ENOX1: variants seen among roughly 807,000 people sequenced by gnomAD.
ENOX1 encodes candidate growth-related and time keeping constitutive hydroquinone (NADH) oxidase.
Under a neutral mutation model 82.5 loss-of-function variants are expected in ENOX1, and 42 were observed. The ratio of observed to expected loss-of-function variants is 0.51; its 90% confidence interval spans 0.40 to 0.66. The LOEUF (loss-of-function observed/expected upper bound fraction) is 0.66, where lower values mean the gene tolerates loss of function less well. Ranked by LOEUF, ENOX1 falls within the 30% of genes least tolerant of loss-of-function variation. ENOX1 has a pLI of 0.00. For synonymous variants in ENOX1, 271 were observed against 282.2 expected (o/e 0.96, Z 0.40); for missense variants, 608 against 811.6 (o/e 0.75, Z 3.05).
chr13:43,514,219 T>C (rs1457880682), intron 2 of ENOX1, among the ~76,000 whole-genome samples: 2 of 152,200 alleles, frequency 1.3e-5, no homozygotes, highest in African/African-American at 4.8e-5. Flanking sequence ...TTTACATATC[T>C]TTAATGTGTA....
chr13:43,600,488 G>A (rs931183759), intron 2 of ENOX1, among the ~76,000 whole-genome samples: 1 of 152,218 alleles, frequency 6.6e-6, no homozygotes, highest in Non-Finnish European at 1.5e-5. Flanking sequence ...ACTTTCCCTT[G>A]TGGCTTGGGT....
intron 1 of ENOX1, among the ~76,000 whole-genome samples, chr13:43,754,346 ATTAT>A (rs1950528985): frequency 4.1e-5 from 6 of 145,178 alleles, no homozygotes; most frequent in East Asian, 2.0e-4. Context: ...TATTATTATT[ATTAT>A]TTATTTTTTT....
intron 2 of ENOX1, among the ~76,000 whole-genome samples, chr13:43,631,496 A>AATCG (rs2083215406): frequency 6.6e-6 from 1 of 152,156 alleles, no homozygotes; most frequent in Non-Finnish European, 1.5e-5. Flanking sequence ...AACTGCTAGG[A>AATCG]ATCGGGAAAC....
intron 2 of ENOX1, among the ~76,000 whole-genome samples, chr13:43,629,288 A>G (rs1334160946): frequency 6.6e-6 from 1 of 152,166 alleles, no homozygotes; most frequent in Admixed American, 6.5e-5. Flanking sequence ...TCTTGCTGCA[A>G]TGTCCCTTTT....
At chr13:43,701,029 A>G (rs926712404) in intron 1 of ENOX1, among the ~76,000 whole-genome samples, 2 of 152,168 alleles carry the variant, frequency 1.3e-5, no homozygotes, top group African/African-American at 4.8e-5. Flanking sequence ...TTCACTTGCT[A>G]TGTATTTCAT....
At chr13:43,599,717 G>A (rs771359326) in intron 2 of ENOX1, among the ~76,000 whole-genome samples, 18 of 151,432 alleles carry the variant, frequency 1.2e-4, no homozygotes, top group South Asian at 1.0e-3. Flanking sequence ...TGCGAGTACC[G>A]CCCCTCCACC....
chr13:43,306,642 T>C (rs1262447228), intron 11 of ENOX1, among the ~76,000 whole-genome samples: 1 of 152,148 alleles, frequency 6.6e-6, no homozygotes, highest in African/African-American at 2.4e-5. Context: ...TAAACAGCAA[T>C]CCTTCCCTCC....
chr13:43,215,123 G>C (rs1056286972), intron 16 of ENOX1, among the ~76,000 whole-genome samples: 4 of 152,108 alleles, frequency 2.6e-5, no homozygotes. Flanking sequence ...AATCACTGTA[G>C]AGATATCATT....
intron 15 of ENOX1, among the ~76,000 whole-genome samples, chr13:43,230,554 C>T (rs754835): frequency 0.96 from 145,591 of 152,160 alleles, 70,002 homozygotes; most frequent in East Asian, 1. Flanking sequence ...AGTCCTCATA[C>T]ATTACAGAGA....
chr13:43,240,542 T>C (rs2042770052), intron 14 of ENOX1, among the ~76,000 whole-genome samples: 1 of 151,662 alleles, frequency 6.6e-6, no homozygotes, highest in Admixed American at 6.6e-5. Flanking sequence ...CCATGCAGAG[T>C]GCAAACAGCA....
At chr13:43,373,992 C>T (rs2051428068) in intron 5 of ENOX1, among the ~76,000 whole-genome samples, 1 of 152,040 alleles carries the variant, frequency 6.6e-6, no homozygotes, top group South Asian at 2.1e-4. Context: ...AAAAACATAC[C>T]CCAAACTTTT....
chr13:43,691,229 C>T (rs922797000), intron 1 of ENOX1, among the ~76,000 whole-genome samples: 25 of 152,162 alleles, frequency 1.6e-4, no homozygotes, highest in African/African-American at 6.0e-4. Context: ...CATCATTTTT[C>T]ATAAGTAAGT....
At chr13:43,438,011 CTA>C (rs1378590470) in intron 3 of ENOX1, among the ~76,000 whole-genome samples, 1 of 152,094 alleles carries the variant, frequency 6.6e-6, no homozygotes, top group Non-Finnish European at 1.5e-5. Context: ...CATGACAACA[CTA>C]TGATCAAAAA....
At chr13:43,606,283 T>C (rs763772902) in intron 2 of ENOX1, among the ~76,000 whole-genome samples, 11 of 152,134 alleles carry the variant, frequency 7.2e-5, no homozygotes, top group Non-Finnish European at 1.5e-4. Flanking sequence ...AGAACTACCA[T>C]ACGATTTAGC....
chr13:43,724,203 T>A (rs1265820969), intron 1 of ENOX1, among the ~76,000 whole-genome samples: 1 of 152,198 alleles, frequency 6.6e-6, no homozygotes, highest in Non-Finnish European at 1.5e-5. Context: ...TCTCCACCAG[T>A]CCTTTTCAGT....
At chr13:43,336,686 A>G (rs980693036) in intron 9 of ENOX1, among the ~76,000 whole-genome samples, 2 of 152,206 alleles carry the variant, frequency 1.3e-5, no homozygotes, top group African/African-American at 4.8e-5. Context: ...AGATACCTGT[A>G]TTTAGATATC....
intron 9 of ENOX1, among the ~76,000 whole-genome samples, chr13:43,333,409 C>T (rs1163059631): frequency 6.6e-6 from 1 of 152,206 alleles, no homozygotes; most frequent in East Asian, 1.9e-4. Context: ...TGTATGTTTG[C>T]AGTTTCCATT....
At chr13:43,627,118 T>C (rs3947424) in intron 2 of ENOX1, among the ~76,000 whole-genome samples, 5,421 of 152,130 alleles carry the variant, frequency 0.036, 299 homozygotes, top group African/African-American at 0.12. Context: ...TTGAATTCCA[T>C]TGATTAATGT....
At chr13:43,555,501 G>A (rs1426992943) in intron 2 of ENOX1, among the ~76,000 whole-genome samples, 2 of 152,330 alleles carry the variant, frequency 1.3e-5, no homozygotes, top group Non-Finnish European at 2.9e-5. Context: ...TCAATCAGAT[G>A]AGGAAAAGGG....
Sources: allele counts gnomAD v4.1 joint callset (sites outside exome capture counted in the v4.1 genomes callset), GRCh38; gene constraint gnomAD v4.1.1; transcripts MANE v1.5; gene names NCBI Gene and HGNC (gene_info 2026-07-23, HGNC 2026-07-21).